The following HOXC10 variants were observed in gnomAD, a reference collection of about 807,000 sequenced individuals.
The protein encoded by HOXC10 is homeobox protein Hox-C10.
Under a neutral mutation model 26.0 loss-of-function variants are expected in HOXC10, and 15 were observed. The observed-to-expected ratio is 0.58, with a 90% confidence interval of 0.39 to 0.89. The LOEUF is 0.89. Ranked by LOEUF, HOXC10 falls within the 40% of genes least tolerant of loss-of-function variation. The probability of loss-of-function intolerance (pLI) is 0.00; values close to 1 mark genes in which losing one functional copy is unlikely to be tolerated. For missense variants in HOXC10, 446 were observed against 451.9 expected (o/e 0.99, Z 0.12); for synonymous variants, 196 against 185.5 (o/e 1.06, Z -0.46).
intron 1 of HOXC10, among the ~76,000 whole-genome samples, chr12:53,987,129 G>A (rs1379325257): frequency 2.0e-5 from 3 of 152,236 alleles, no homozygotes; most frequent in Admixed American, 1.3e-4. Flanking sequence ...GGCTCATTGG[G>A]TGTAGAGGAA....
chr12:53,986,233 T>G (rs1337647225), intron 1 of HOXC10: 2 of 518,226 alleles, frequency 3.9e-6, no homozygotes, highest in African/African-American at 2.0e-5. Context: ...GCCCCGGCCA[T>G]GGGTGCTAAG....
intron 1 of HOXC10, 172 bp downstream of exon 1, chr12:53,986,182 T>TGG (rs1939431937): frequency 1.4e-6 from 1 of 719,898 alleles, no homozygotes; most frequent in Admixed American, 3.4e-5. Context: ...GCGCGTCACT[T>TGG]AGCTGGGGAA....
In HOXC10 at chr12:53,989,306, C is replaced by T; in HGVS notation, c.889C>T (p.Arg297Cys). The T allele has an allele frequency of 1.2e-6, 2 of 1,614,202 alleles. No individual in the cohort carries two copies. The highest frequency in any genetic ancestry group is 1.7e-6 in the Non-Finnish European group (2 of 1,180,038). Residue 297 changes from arginine to cysteine, a missense_variant, in exon 2 of 2, where the codon CGC becomes TGC. Arg to Cys is a radical substitution (Grantham distance 180). Transcript: ENST00000303460. The part of the protein sequence containing the change: ...FLFNMYLTRE[R>C]RLEISKTINL... ...GTTCAATATGTATTTGACGCGAGAG[C>T]GCCGCCTGGAGATTAGCAAGACCAT...
Position 53,985,763 on chromosome 12 carries a change from C to T in HOXC10, c.504C>T (p.Asn168=). The change falls in exon 1 of 2, where the codon AAC becomes AAT. Residue 168 remains asparagine, a synonymous_variant. Coordinates refer to ENST00000303460, the MANE Select transcript of HOXC10 (RefSeq NM_017409.4). Reference sequence around the variant, plus strand: ...AGACGCCCCACTGTTCTGGGGCCAACGACTTCGAAGCCCCTTTCGAGCAGC... The same window carrying T: ...AGACGCCCCACTGTTCTGGGGCCAATGACTTCGAAGCCCCTTTCGAGCAGC... ...LDKTPHCSGA[N]DFEAPFEQRA... 1 of 1,613,716 alleles carries T rather than the reference C, an allele frequency of 6.2e-7. No homozygotes were observed. The highest frequency in any genetic ancestry group is 8.5e-7 in the Non-Finnish European group (1 of 1,179,988).
At chr12:53,986,230 C>T (rs920462467) in intron 1 of HOXC10, 4 of 548,488 alleles carry the variant, frequency 7.3e-6, no homozygotes, top group Non-Finnish European at 1.2e-5. Context: ...CCTGCCCCGG[C>T]CATGGGTGCT....
Position 53,985,316 on chromosome 12 carries a change from C to A in HOXC10, c.57C>A (p.Pro19=), listed in dbSNP as rs1204215794. 1.2e-6 allele frequency: 2 copies of A among 1,600,644 alleles called. No individual in the cohort carries two copies. The highest frequency in any genetic ancestry group is 1.1e-5 in the South Asian group (1 of 89,006). ...CGTACGCGGAGCCCTTGGCTGCGCC[C>A]GGCGGAGGAGAGCGCTATAGCCGGA... ...PNSYAEPLAA[P]GGGERYSRSA... Residue 19 remains proline (P), a synonymous_variant, in exon 1 of 2, where the codon CCC becomes CCA. Transcript: ENST00000303460.
rs542841944 is a variant in HOXC10, at chr12:53,986,254, T to C, written c.751+244T>C. On this transcript the variant is annotated intron_variant, in intron 1 of 1. Coordinates refer to ENST00000303460, the MANE Select transcript of HOXC10 (RefSeq NM_017409.4). ...GCCATGGGTGCTAAGGCGGGGGCGG[T>C]GCGCACCGCGGGCCGCCTGCAGGCG... The C allele has an allele frequency of 6.5e-3, 2,865 of 443,270 alleles. 20 individuals are homozygous for C. Among genetic ancestry groups the C allele is most frequent in the Admixed American group, 0.013 (309 of 24,120 alleles). 27.5% of individuals were successfully genotyped at this position (443,270 alleles called of 1,614,324 possible).
intron 1 of HOXC10, 183 bp downstream of exon 1, chr12:53,986,193 G>A: frequency 1.5e-6 from 1 of 686,906 alleles, no homozygotes; most frequent in Non-Finnish European, 2.3e-6. Context: ...AGCTGGGGAA[G>A]GTAAGCGGCG....
intron 1 of HOXC10, chr12:53,986,406 A>C: frequency 6.7e-5 from 11 of 164,090 alleles, no homozygotes; most frequent in East Asian, 3.4e-4. Context: ...AAAGCCTAAA[A>C]TGGCGATCTT....
rs1387296078 is a variant in HOXC10, at chr12:53,989,712, T to C, written c.*266T>C. The stretch of plus-strand genomic sequence containing the variant: ...GGTGGGAGTGTGGCTGGTGTGTGTG[T>C]CAAGCCCTCACTCACCCACGCACTC... On this transcript the variant is annotated 3_prime_UTR_variant, in exon 2 of 2. Coordinates refer to ENST00000303460, the MANE Select transcript of HOXC10 (RefSeq NM_017409.4). The C allele has an allele frequency of 1.2e-5, 6 of 501,982 alleles. No individual in the cohort carries two copies. The highest frequency in any genetic ancestry group is 1.9e-5 in the African/African-American group (1 of 51,748). 31.1% of individuals were successfully genotyped at this position (501,982 alleles called of 1,614,324 possible).
rs754231175 is a variant in HOXC10, at chr12:53,985,717, C to G, written c.458C>G (p.Pro153Arg). The change falls in exon 1 of 2, where the codon CCG becomes CGG. Residue 153 changes from proline (P) to arginine (R), a missense_variant. By Grantham distance (103) the Pro-to-Arg change is moderately radical (BLOSUM62 -2). Coordinates refer to ENST00000303460, the MANE Select transcript of HOXC10 (RefSeq NM_017409.4). ...VPVPSYYRAS[P>R]SYSALDKTPH... ...GTGCCCAGCTACTACCGCGCCAGCC[C>G]GAGCTACTCCGCGCTGGACAAGACG... The G allele has an allele frequency of 6.2e-7, 1 of 1,610,616 alleles. No individual in the cohort carries two copies. The highest frequency in any genetic ancestry group is 2.2e-5 in the East Asian group (1 of 44,748).
chr12:53,988,307 G>A (rs539469021), intron 1 of HOXC10, among the ~76,000 whole-genome samples: 12 of 152,350 alleles, frequency 7.9e-5, no homozygotes, highest in African/African-American at 2.9e-4. Context: ...CTATGTGTGT[G>A]TACTTATGTG....
Position 53,985,469 on chromosome 12 carries a change from G to A in HOXC10, c.210G>A (p.Pro70=), listed in dbSNP as rs1399899207. Reference sequence around the variant, plus strand: ...CCAGCCTCGCCCTCAACACCTATCCGTCCTACCTCTCGCAGCTGGACTCCT... The same window carrying A: ...CCAGCCTCGCCCTCAACACCTATCCATCCTACCTCTCGCAGCTGGACTCCT... The part of the protein sequence containing the change: ...SSPSLALNTY[P]SYLSQLDSWG... The change falls in exon 1 of 2, where the codon CCG becomes CCA. Residue 70 remains proline, a synonymous_variant. Transcript: ENST00000303460. 11 of 1,613,162 alleles carry A rather than the reference G, an allele frequency of 6.8e-6. No individual in the cohort carries two copies. Among genetic ancestry groups the A allele is most frequent in the South Asian group, 1.1e-5 (1 of 91,082 alleles).
chr12:53,986,060 C>A (rs909333843), intron 1 of HOXC10, 50 bp downstream of exon 1: 4 of 1,495,064 alleles, frequency 2.7e-6, no homozygotes, highest in Non-Finnish European at 3.6e-6. Context: ...GGCACTTGGT[C>A]TTCGCGGCCG....
At chr12:53,988,732 G>C (rs1015078312) in intron 1 of HOXC10, among the ~76,000 whole-genome samples, 7 of 152,212 alleles carry the variant, frequency 4.6e-5, no homozygotes, top group African/African-American at 1.7e-4. Flanking sequence ...AAGCTCTCTG[G>C]GAATTTCTCT....
chr12:53,988,097 C>T (rs1424209152), intron 1 of HOXC10, among the ~76,000 whole-genome samples: 1 of 152,166 alleles, frequency 6.6e-6, no homozygotes, highest in East Asian at 1.9e-4. Context: ...CAGCAGAGTC[C>T]TTTGCTGGGT....
intron 1 of HOXC10, chr12:53,986,385 G>C (rs1017194342): frequency 1.6e-5 from 3 of 181,912 alleles, no homozygotes; most frequent in Non-Finnish European, 3.4e-5. Context: ...GCTCAGGTCA[G>C]GGGCTTGCAA....
rs1187337173 is a variant in HOXC10 at position 53,989,528 on chromosome 12, T to TC, written c.*84dup. On this transcript the variant is annotated 3_prime_UTR_variant, in exon 2 of 2. Transcript: ENST00000303460. ...TTGTGCCTGGTGATATATTTTTTTTTCCTCCCTGAGTATAAATGCAATGCG... is the reference window on the plus strand; with the variant it reads ...TTGTGCCTGGTGATATATTTTTTTTTCCCTCCCTGAGTATAAATGCAATGCG... 9 of 1,382,978 alleles carry TC rather than the reference T, an allele frequency of 6.5e-6. No homozygotes were observed. Among genetic ancestry groups the TC allele is most frequent in the Non-Finnish European group, 8.8e-6 (9 of 1,026,516 alleles). The allele number at this position is 1,382,978 out of a possible 1,614,324, so 85.7% of individuals were successfully genotyped here. A position where few individuals can be genotyped will look rare whatever the true frequency, so the allele number is the denominator to read the frequency against.
Position 53,985,289 on chromosome 12 carries a change from C to T in HOXC10, c.30C>T (p.Asn10=). 6.3e-7 allele frequency: 1 copy of T among 1,579,430 alleles called. No homozygotes were observed. The highest frequency in any genetic ancestry group is 8.6e-7 in the Non-Finnish European group (1 of 1,163,564). ...CATGCCCTCGCAATGTAACTCCGAA[C>T]TCGTACGCGGAGCCCTTGGCTGCGC... MTCPRNVTP[N]SYAEPLAAPG... Residue 10 remains asparagine (N), a synonymous_variant, in exon 1 of 2, where the codon AAC becomes AAT. Coordinates refer to ENST00000303460, the MANE Select transcript of HOXC10 (RefSeq NM_017409.4).
Sources: gnomAD v4.1 joint callset for allele counts (sites outside exome capture counted in the v4.1 genomes callset) on GRCh38, gnomAD v4.1.1 for gene constraint, MANE v1.5 for transcripts, NCBI Gene and HGNC (gene_info 2026-07-23, HGNC 2026-07-21) for gene names.